DERA: variants seen among roughly 807,000 people sequenced by gnomAD.
DERA encodes the protein 2-deoxy-D-ribose 5-phosphate aldolase.
Under a neutral mutation model 41.1 loss-of-function variants are expected in DERA, and 15 were observed. The observed-to-expected ratio is 0.37, with a 90% CI of 0.24 to 0.56. DERA has a LOEUF of 0.56. Among genes scored for constraint, DERA ranks in the 20% least tolerant of loss-of-function variants. DERA has a pLI of 0.81. For synonymous variants in DERA, 139 were observed against 137.4 expected, an observed-to-expected ratio of 1.01 and a Z score of -0.08; for missense variants, 396 against 403.4, an observed-to-expected ratio of 0.98 and a Z score of 0.16.
At chr12:16,030,896 CTCCCAGGCAGCCTTACAG>C (rs1226600430) in intron 6 of DERA, among the ~76,000 whole-genome samples, 1 of 152,210 alleles carries the variant, frequency 6.6e-6, no homozygotes, top group Non-Finnish European at 1.5e-5. Flanking sequence ...TCTCCACTTT[CTCCCAGGCAGCCTTACAG>C]ACCCAAAGAA....
Position 16,009,989 on chromosome 12 carries a change from G to A in DERA, c.638-22553G>A, listed in dbSNP as rs533264219. Among the ~76,000 whole-genome samples the A allele has an allele frequency of 6.6e-6, 1 of 152,298 alleles. No homozygotes were observed. Among genetic ancestry groups the A allele is most frequent in the East Asian group, 1.9e-4 (1 of 5,184 alleles). ...ATCAGACCTATTAGTTTTGTAATAG[G>A]AAGTTCTGTGAGAGACAGATAAAAC... On this transcript the variant is annotated intron_variant, in intron 6 of 8. Transcript: ENST00000428559. This position sits in a 1 kb window ranked among gnomAD's most constrained non-coding sequence, Gnocchi z 5.3.
rs773928526 is a variant in DERA at position 16,032,667 on chromosome 12, C to A, written c.750+13C>A. 1.4e-6 allele frequency: 2 copies of A among 1,443,660 alleles called. No individual in the cohort carries two copies. Among genetic ancestry groups the A allele is most frequent in the Non-Finnish European group, 1.9e-6 (2 of 1,048,222 alleles). 89.4% of individuals were successfully genotyped at this position (1,443,660 alleles called of 1,614,324 possible). Reference sequence around the variant, plus strand: ...AACTGGAAACAAGGTATATTATTGCCAGCAAATCTTTCTTCAGAGTAAAGA... The same window carrying A: ...AACTGGAAACAAGGTATATTATTGCAAGCAAATCTTTCTTCAGAGTAAAGA... On this transcript the variant is annotated intron_variant, in intron 7 of 8. Transcript: ENST00000428559.
chr12:15,984,985 A>T lies in DERA; in HGVS notation c.637+2549A>T, dbSNP rs1014984826. Among the ~76,000 whole-genome samples the T allele has an allele frequency of 2.0e-5, 3 of 152,218 alleles. No individual in the cohort carries two copies. Among genetic ancestry groups the T allele is most frequent in the Non-Finnish European group, 4.4e-5 (3 of 68,040 alleles). On this transcript the variant is annotated intron_variant, in intron 6 of 8. Coordinates refer to ENST00000428559, the MANE Select transcript of DERA (RefSeq NM_015954.4). This position sits in a 1 kb window ranked among gnomAD's most constrained non-coding sequence, Gnocchi z 4.5. ...GGTATAAAAAATTTTTTCTTAAATC[A>T]ATTTCATTGAGGCAGATTTGCATTC...
At position 15,936,892 on chromosome 12, in the gene DERA, TGTCC is replaced by T. The variant is rs879525363; in HGVS notation, c.32-20043_32-20040del. ...TGTCTTGTCTTGTCTTGTCTTGTCC[TGTCC>T]TGTCCTGTCCTGTCCTGTCCTGTCC... On this transcript the variant is annotated intron_variant, in intron 1 of 8. Transcript: ENST00000428559. This position sits in a 1 kb window ranked among gnomAD's most constrained non-coding sequence, Gnocchi z 4.6. Among the ~76,000 whole-genome samples the T allele has an allele frequency of 1.6e-3, 199 of 126,678 alleles. No individual in the cohort carries two copies. The highest frequency in any genetic ancestry group is 1.9e-3 in the African/African-American group (54 of 28,540). The allele number at this position is 126,678 out of a possible 152,430, so 83.1% of individuals were successfully genotyped here. A position where few individuals can be genotyped will look rare whatever the true frequency, so the allele number is the denominator to read the frequency against.
chr12:16,025,977 A>G (rs1217795835), intron 6 of DERA, among the ~76,000 whole-genome samples: 3 of 152,132 alleles, frequency 2.0e-5, no homozygotes, highest in Non-Finnish European at 4.4e-5. Context: ...TCTCAAGAGA[A>G]ATTTTAAAAT....
rs1160379112 is a variant in DERA, at chr12:16,020,985, A to T, written c.638-11557A>T. On this transcript the variant is annotated intron_variant, in intron 6 of 8. Transcript: ENST00000428559. The surrounding 1 kb of genome is among the most constrained non-coding windows in gnomAD (Gnocchi z 5.5). Reference sequence around the variant, plus strand: ...GGAATTACTTAATGTGAGAACTTATATTTAAATGGGAAGCAGAGTATAAAA... The same window carrying T: ...GGAATTACTTAATGTGAGAACTTATTTTTAAATGGGAAGCAGAGTATAAAA... 6.6e-6 allele frequency among the ~76,000 whole-genome samples: 1 copy of T among 152,242 alleles called. No homozygotes were observed. Among genetic ancestry groups the T allele is most frequent in the South Asian group, 2.1e-4 (1 of 4,828 alleles).
intron 6 of DERA, among the ~76,000 whole-genome samples, chr12:15,986,525 C>G (rs1347842011): frequency 6.6e-6 from 1 of 152,104 alleles, no homozygotes; most frequent in Non-Finnish European, 1.5e-5. Flanking sequence ...AATGTGCATC[C>G]TTAATTTTTC....
At chr12:16,028,983 T>C (rs2136188475) in intron 6 of DERA, among the ~76,000 whole-genome samples, 1 of 152,328 alleles carries the variant, frequency 6.6e-6, no homozygotes, top group East Asian at 1.9e-4. Context: ...TGGTTAATAG[T>C]ATATCAGCAT....
At chr12:15,937,179 CT>C (rs1432128150) in intron 1 of DERA, among the ~76,000 whole-genome samples, 5 of 152,152 alleles carry the variant, frequency 3.3e-5, no homozygotes, top group African/African-American at 1.2e-4. Context: ...TGATCTCCAA[CT>C]CCTGGGCTCT....
intron 6 of DERA, among the ~76,000 whole-genome samples, chr12:15,987,939 C>T (rs1223078126): frequency 1.3e-5 from 2 of 152,176 alleles, no homozygotes; most frequent in Non-Finnish European, 2.9e-5. Context: ...GGTCCAGCCA[C>T]TGTGCACAGC....
chr12:15,994,918 A>AGAGG lies in DERA; in HGVS notation c.637+12495_637+12498dup, dbSNP rs915180557. Among the ~76,000 whole-genome samples, 6 of 152,206 alleles carry AGAGG rather than the reference A, an allele frequency of 3.9e-5. No individual in the cohort carries two copies. The highest frequency in any genetic ancestry group is 2.1e-4 in the South Asian group (1 of 4,836). On this transcript the variant is annotated intron_variant, in intron 6 of 8. Transcript: ENST00000428559. The surrounding 1 kb of genome is among the most constrained non-coding windows in gnomAD (Gnocchi z 4.8). ...ATAAATTCTTTCTGCAGTAATCCCA[A>AGAGG]GAGGGAGGGAGGGAGGAGAGGTATC...
rs1010807021 is a variant in DERA at position 15,935,799 on chromosome 12, A to C, written c.32-21137A>C. ...AAACAATAAGCATTTATTATCTCAC[A>C]ACATTTCTCTGGGTCAAAAATTTGA... On this transcript the variant is annotated intron_variant, in intron 1 of 8. Transcript: ENST00000428559. This position sits in a 1 kb window ranked among gnomAD's most constrained non-coding sequence, Gnocchi z 4.8. Among the ~76,000 whole-genome samples, 1 of 152,192 alleles carries C rather than the reference A, an allele frequency of 6.6e-6. No homozygotes were observed. The highest frequency in any genetic ancestry group is 6.5e-5 in the Admixed American group (1 of 15,278).
At position 15,984,138 on chromosome 12, in the gene DERA, T is replaced by C. The variant is rs1253081001; in HGVS notation, c.637+1702T>C. On this transcript the variant is annotated intron_variant, in intron 6 of 8. Coordinates refer to ENST00000428559, the MANE Select transcript of DERA (RefSeq NM_015954.4). This position sits in a 1 kb window ranked among gnomAD's most constrained non-coding sequence, Gnocchi z 4.5. Reference sequence around the variant, plus strand: ...TACTTTGTGGTAGCCACGCTGTTGGTTGTGCACATGGAGCTGAGATACTCC... The same window carrying C: ...TACTTTGTGGTAGCCACGCTGTTGGCTGTGCACATGGAGCTGAGATACTCC... Among the ~76,000 whole-genome samples, 1 of 152,140 alleles carries C rather than the reference T, an allele frequency of 6.6e-6. No homozygotes were observed. The highest frequency in any genetic ancestry group is 1.5e-5 in the Non-Finnish European group (1 of 68,022).
chr12:15,974,432 C>A (rs976403517), intron 5 of DERA, among the ~76,000 whole-genome samples: 12 of 151,998 alleles, frequency 7.9e-5, no homozygotes, highest in African/African-American at 2.9e-4. Flanking sequence ...GTAAAATATA[C>A]CTCAGTTTGG....
At chr12:15,948,372 T>A (rs1397497700) in intron 1 of DERA, among the ~76,000 whole-genome samples, 2 of 151,678 alleles carry the variant, frequency 1.3e-5, no homozygotes, top group African/African-American at 4.8e-5. Flanking sequence ...TTTCACATAG[T>A]CCCATATTTC....
At chr12:16,032,144 A>G (rs1312849343) in intron 6 of DERA, among the ~76,000 whole-genome samples, 1 of 152,338 alleles carries the variant, frequency 6.6e-6, no homozygotes, top group Non-Finnish European at 1.5e-5. Context: ...TTCATTAAGC[A>G]TGAGCAAATT....
intron 1 of DERA, among the ~76,000 whole-genome samples, chr12:15,925,692 T>C (rs1948276851): frequency 6.6e-6 from 1 of 152,172 alleles, no homozygotes; most frequent in Admixed American, 6.5e-5. Context: ...AGTAGAACTT[T>C]GAAGGTTTAG....
chr12:15,933,824 C>T (rs1592004932), intron 1 of DERA, among the ~76,000 whole-genome samples: 1 of 152,136 alleles, frequency 6.6e-6, no homozygotes, highest in East Asian at 1.9e-4. Context: ...CCAGCCTCAT[C>T]TTTTCATAGT....
At chr12:16,032,033 C>G (rs1357033103) in intron 6 of DERA, among the ~76,000 whole-genome samples, 2 of 152,106 alleles carry the variant, frequency 1.3e-5, no homozygotes, top group African/African-American at 2.4e-5. Context: ...CATGGAAATG[C>G]TAATCTGGTT....
Sources: gnomAD v4.1 joint callset for allele counts (sites outside exome capture counted in the v4.1 genomes callset) on GRCh38, gnomAD v4.1.1 for gene constraint, Gnocchi (gnomAD v3.1) non-coding constraint, MANE v1.5 for transcripts, NCBI Gene and HGNC (gene_info 2026-07-23, HGNC 2026-07-21) for gene names.